The following RFX3 variants were observed in gnomAD, a reference collection of about 807,000 sequenced individuals.
The protein encoded by RFX3 is transcription factor RFX3.
A neutral mutation model predicts 98.6 loss-of-function variants in RFX3; 14 were observed. That is an observed-to-expected ratio of 0.14 (90% CI 0.09 to 0.22). The LOEUF (loss-of-function observed/expected upper bound fraction) is 0.22. Among genes scored for constraint, RFX3 ranks in the 10% least tolerant of loss-of-function variants. The pLI is 1.00. For synonymous variants in RFX3, 383 were observed against 328.4 expected (o/e 1.17, Z -1.80); for missense variants, 639 against 926.9 (o/e 0.69, Z 4.03).
chr9:3,522,880 T>C (rs769766260), intron 1 of RFX3, among the ~76,000 whole-genome samples: 4 of 152,174 alleles, frequency 2.6e-5, no homozygotes, highest in Non-Finnish European at 5.9e-5. Flanking sequence ...TTGTTTAGGG[T>C]AAAATAAACT....
chr9:3,346,193 G>C (rs1476784761), intron 3 of RFX3, among the ~76,000 whole-genome samples: 1 of 152,134 alleles, frequency 6.6e-6, no homozygotes, highest in African/African-American at 2.4e-5. Context: ...GGTTTAGATA[G>C]GAAAGTAACA....
At chr9:3,295,987 G>C (rs983241103) in intron 5 of RFX3, among the ~76,000 whole-genome samples, 40 of 151,954 alleles carry the variant, frequency 2.6e-4, no homozygotes, top group African/African-American at 9.2e-4. Flanking sequence ...TAGTCTTCTT[G>C]CAACATTAAA....
chr9:3,323,955 C>T (rs1258791672), intron 4 of RFX3: 3 of 401,824 alleles, frequency 7.5e-6, no homozygotes, highest in Admixed American at 4.9e-5. Context: ...GTGATGGAGA[C>T]TACAAGTCAT....
Position 3,257,065 on chromosome 9 carries a change from T to G in RFX3, c.1740A>C (p.Ala580=). Residue 580 remains alanine (A), a synonymous_variant, in exon 14 of 17, where the codon GCA becomes GCC. Coordinates refer to ENST00000617270, the MANE Select transcript of RFX3 (RefSeq NM_001282116.2). The stretch of plus-strand genomic sequence containing the variant: ...TGGGTCTTCCTTCATAGGGTTTCAG[T>G]GCTTGCATCATCACATTGTCAAGCC... The part of the protein sequence containing the change: ...AAWLDNVMMQ[A]LKPYEGRPSF... The G allele has an allele frequency of 6.2e-7, 1 of 1,614,050 alleles. No homozygotes were observed. The highest frequency in any genetic ancestry group is 2.2e-5 in the East Asian group (1 of 44,866).
chr9:3,261,250 T>C (rs1434303592), intron 13 of RFX3, among the ~76,000 whole-genome samples: 1 of 152,128 alleles, frequency 6.6e-6, no homozygotes, highest in African/African-American at 2.4e-5. Flanking sequence ...TTTTAGACCT[T>C]TTTAATTTTC....
At chr9:3,351,428 A>G (rs978270420) in intron 2 of RFX3, among the ~76,000 whole-genome samples, 2 of 151,988 alleles carry the variant, frequency 1.3e-5, no homozygotes, top group Non-Finnish European at 2.9e-5. Context: ...CCTCCCTAGA[A>G]ACATTCAAGA....
intron 15 of RFX3, among the ~76,000 whole-genome samples, chr9:3,240,323 T>C (rs1432065135): frequency 6.6e-6 from 1 of 152,234 alleles, no homozygotes; most frequent in East Asian, 1.9e-4. Flanking sequence ...GCATATCCTT[T>C]ATGCAAGTAA....
intron 4 of RFX3, among the ~76,000 whole-genome samples, chr9:3,310,146 T>C (rs1279792960): frequency 6.6e-6 from 1 of 152,112 alleles, no homozygotes; most frequent in Non-Finnish European, 1.5e-5. Context: ...GGGCAGTTGA[T>C]AATGCCAAGA....
intron 1 of RFX3, among the ~76,000 whole-genome samples, chr9:3,521,111 A>AT (rs1295969321): frequency 6.6e-6 from 1 of 152,242 alleles, no homozygotes; most frequent in Non-Finnish European, 1.5e-5. Flanking sequence ...TAAAAGTGTT[A>AT]TAAGAATGGA....
In RFX3 at chr9:3,247,663, C is replaced by T. The variant is rs1820857899; in HGVS notation, c.1968+369G>A. On this transcript the variant is annotated intron_variant, in intron 15 of 16. Coordinates refer to ENST00000617270, the MANE Select transcript of RFX3 (RefSeq NM_001282116.2). ...AGACCGGGAAAGAGTCTACAAAATA[C>T]ATATTTAATCCTTTCCATTGTATTC... 2.1e-6 allele frequency: 3 copies of T among 1,422,570 alleles called. No individual in the cohort carries two copies. The South Asian group carries it at 4.6e-5, about 22-fold the overall frequency. The allele number at this position is 1,422,570 out of a possible 1,614,324, so 88.1% of individuals were successfully genotyped here.
At chr9:3,457,734 T>C (rs1043991620) in intron 1 of RFX3, among the ~76,000 whole-genome samples, 3 of 152,170 alleles carry the variant, frequency 2.0e-5, no homozygotes, top group East Asian at 1.9e-4. Flanking sequence ...TTTGCTTATA[T>C]GGTATTTCAC....
chr9:3,315,010 T>C (rs1042998558), intron 4 of RFX3, among the ~76,000 whole-genome samples: 1 of 152,192 alleles, frequency 6.6e-6, no homozygotes, highest in Non-Finnish European at 1.5e-5. Flanking sequence ...AACTCAGCTC[T>C]GCACCAAGCA....
chr9:3,493,724 T>TAC (rs1554724865), intron 1 of RFX3, among the ~76,000 whole-genome samples: 4 of 137,662 alleles, frequency 2.9e-5, no homozygotes, highest in South Asian at 2.3e-4. Context: ...TATATATATA[T>TAC]ATACATACAT....
chr9:3,415,027 T>C (rs1842846973), intron 1 of RFX3, among the ~76,000 whole-genome samples: 1 of 138,070 alleles, frequency 7.2e-6, no homozygotes, highest in Non-Finnish European at 1.5e-5. Context: ...TATACTTATA[T>C]ATTTACTTTT....
chr9:3,462,531 T>G (rs938063517), intron 1 of RFX3, among the ~76,000 whole-genome samples: 2 of 152,048 alleles, frequency 1.3e-5, no homozygotes, highest in African/African-American at 4.8e-5. Context: ...CTGTAGGTCC[T>G]AACCAATGCA....
At chr9:3,345,697 T>C (rs1834375341) in intron 3 of RFX3, among the ~76,000 whole-genome samples, 1 of 152,142 alleles carries the variant, frequency 6.6e-6, no homozygotes, top group Admixed American at 6.5e-5. Context: ...GAATACAAAA[T>C]TAACCAGAAT....
intron 1 of RFX3, among the ~76,000 whole-genome samples, chr9:3,507,783 CT>C (rs1267104893): frequency 6.6e-6 from 1 of 151,858 alleles, no homozygotes; most frequent in Non-Finnish European, 1.5e-5. Flanking sequence ...ACTGTATTTA[CT>C]TTTTTTATTG....
chr9:3,258,955 C>G (rs1822505175), intron 13 of RFX3, among the ~76,000 whole-genome samples: 1 of 151,730 alleles, frequency 6.6e-6, no homozygotes, highest in Non-Finnish European at 1.5e-5. Flanking sequence ...ATTATATTTT[C>G]TATTAGATAT....
chr9:3,238,200 T>A (rs1264784857), intron 15 of RFX3, among the ~76,000 whole-genome samples: 2 of 152,300 alleles, frequency 1.3e-5, no homozygotes, highest in East Asian at 3.9e-4. Context: ...CATAAGATGG[T>A]GATTTTAAAA....
Sources: gnomAD v4.1 joint callset for allele counts (sites outside exome capture counted in the v4.1 genomes callset) on GRCh38, gnomAD v4.1.1 for gene constraint, MANE v1.5 for transcripts, NCBI Gene and HGNC (gene_info 2026-07-23, HGNC 2026-07-21) for gene names.